NME7: variants seen among roughly 807,000 people sequenced by gnomAD.
NME7 encodes nucleoside diphosphate kinase 7.
Under a neutral mutation model 49.1 loss-of-function variants are expected in NME7, and 41 were observed. That is an observed-to-expected ratio of 0.83 (90% CI 0.65 to 1.08). The LOEUF (loss-of-function observed/expected upper bound fraction) is 1.08, where lower values mean the gene tolerates loss of function less well. NME7 is among the 50% of genes least tolerant of loss of function. NME7 has a pLI of 0.00. For synonymous variants in NME7, 139 were observed against 150.6 expected (o/e 0.92, Z 0.56); for missense variants, 423 against 463.4 (o/e 0.91, Z 0.80).
chr1:169,298,807 A>C (rs761210094), intron 5 of NME7, 44 bp from the exon 6 acceptor site: 2 of 1,490,294 alleles, frequency 1.3e-6, no homozygotes, highest in East Asian at 4.5e-5. Flanking sequence ...TTTTCTGTCA[A>C]CTAGGTATTT....
At chr1:169,185,318 TGCTTTA>T (rs1248403055) in intron 10 of NME7, among the ~76,000 whole-genome samples, 1 of 152,212 alleles carries the variant, frequency 6.6e-6, no homozygotes, top group Non-Finnish European at 1.5e-5. Flanking sequence ...ACATGATTTA[TGCTTTA>T]GAAAATATTT....
At chr1:169,355,089 AC>A (rs1323516351) in intron 1 of NME7, among the ~76,000 whole-genome samples, 853 of 60,648 alleles carry the variant, frequency 0.014, 151 homozygotes, top group African/African-American at 0.046. Flanking sequence ...TATATAATAT[AC>A]TATATATTAT....
chr1:169,232,311 C>CT (rs1239359349), intron 9 of NME7, among the ~76,000 whole-genome samples: 7 of 151,992 alleles, frequency 4.6e-5, no homozygotes, highest in Non-Finnish European at 7.4e-5. Flanking sequence ...AAAAGCCCTG[C>CT]TGTGCAACCA....
chr1:169,301,201 G>A (rs1480556004), intron 5 of NME7, among the ~76,000 whole-genome samples: 1 of 152,162 alleles, frequency 6.6e-6, no homozygotes, highest in South Asian at 2.1e-4. Context: ...CTAATATGCA[G>A]AATCTGTAAC....
intron 1 of NME7, 39 bp downstream of exon 1, chr1:169,367,669 G>A: frequency 6.2e-7 from 1 of 1,613,820 alleles, no homozygotes; most frequent in Non-Finnish European, 8.5e-7. Context: ...AAGTAAGTAG[G>A]ACCCCAGAGC....
At chr1:169,296,342 C>T (rs1374244825) in intron 6 of NME7, among the ~76,000 whole-genome samples, 1 of 152,166 alleles carries the variant, frequency 6.6e-6, no homozygotes, top group Non-Finnish European at 1.5e-5. Flanking sequence ...CCTTATTTGA[C>T]ACCACTGGTC....
Position 169,187,565 on chromosome 1 carries a change from G to A in NME7, c.991-18011C>T, listed in dbSNP as rs547705871. Among the ~76,000 whole-genome samples, 995 of 151,758 alleles carry A rather than the reference G, an allele frequency of 6.6e-3. 14 individuals carry two copies. Among genetic ancestry groups the A allele is most frequent in the African/African-American group, 0.023 (934 of 41,448 alleles). ...CTGTTTTATCAGAGACTAGGATTGC[G>A]AACCCTGCTTTTTTATTTTTTTCTT... On this transcript the variant is annotated intron_variant, in intron 10 of 11. Coordinates refer to ENST00000367811, the MANE Select transcript of NME7 (RefSeq NM_013330.5).
chr1:169,366,155 A>C (rs1216953755), intron 1 of NME7, among the ~76,000 whole-genome samples: 1 of 152,218 alleles, frequency 6.6e-6, no homozygotes, highest in African/African-American at 2.4e-5. Context: ...GAAAGTAATC[A>C]AGGAGTTAAT....
At chr1:169,247,271 T>G (rs1648364543) in intron 7 of NME7, among the ~76,000 whole-genome samples, 2 of 152,184 alleles carry the variant, frequency 1.3e-5, no homozygotes, top group Non-Finnish European at 2.9e-5. Context: ...TACAGAAAAG[T>G]TAACCACACA....
intron 7 of NME7, among the ~76,000 whole-genome samples, chr1:169,245,496 A>G (rs1240399873): frequency 1.3e-5 from 2 of 152,214 alleles, no homozygotes; most frequent in Non-Finnish European, 2.9e-5. Flanking sequence ...ATTTTTAAAA[A>G]TGAAAAAATG....
At chr1:169,314,163 T>A (rs981569870) in intron 3 of NME7, among the ~76,000 whole-genome samples, 1 of 151,800 alleles carries the variant, frequency 6.6e-6, no homozygotes, top group African/African-American at 2.4e-5. Context: ...AACAGAATGT[T>A]TGAGATAAAA....
intron 10 of NME7, among the ~76,000 whole-genome samples, chr1:169,203,698 C>T (rs1004856416): frequency 6.6e-6 from 1 of 151,986 alleles, no homozygotes; most frequent in Non-Finnish European, 1.5e-5. Flanking sequence ...GAAGGGAGGG[C>T]AGCAATGGTT....
chr1:169,237,587 C>T (rs753782467), intron 8 of NME7, 36 bp downstream of exon 8: 4 of 1,503,342 alleles, frequency 2.7e-6, no homozygotes, highest in Admixed American at 1.8e-5. Flanking sequence ...TGAAAAAAAT[C>T]CTCACAAATA....
chr1:169,204,827 A>G (rs758298667), intron 10 of NME7, among the ~76,000 whole-genome samples: 2 of 152,064 alleles, frequency 1.3e-5, no homozygotes, highest in African/African-American at 4.8e-5. Context: ...ATTTTATTCA[A>G]TTTTGAACTC....
At chr1:169,274,049 C>T (rs1161572149) in intron 7 of NME7, among the ~76,000 whole-genome samples, 1 of 131,028 alleles carries the variant, frequency 7.6e-6, no homozygotes, top group African/African-American at 2.6e-5. Context: ...ACACTGACTT[C>T]CACAATGGTT....
chr1:169,331,916 T>C (rs1342339976), intron 1 of NME7, among the ~76,000 whole-genome samples: 1 of 151,778 alleles, frequency 6.6e-6, no homozygotes, highest in African/African-American at 2.4e-5. Flanking sequence ...TTCAATGCAA[T>C]CCCTATCAAA....
chr1:169,212,599 C>CT (rs71121740), intron 10 of NME7, among the ~76,000 whole-genome samples: 37,171 of 116,316 alleles, frequency 0.32, 6,714 homozygotes, highest in Non-Finnish European at 0.39. Context: ...AACAAATGTC[C>CT]TTTTTTTTTT....
intron 7 of NME7, among the ~76,000 whole-genome samples, chr1:169,247,841 T>G (rs1648388547): frequency 2.0e-5 from 3 of 152,188 alleles, no homozygotes; most frequent in African/African-American, 2.4e-5. Flanking sequence ...CTGAGTAGTA[T>G]TCCATGGTGT....
intron 10 of NME7, among the ~76,000 whole-genome samples, chr1:169,184,198 C>T (rs917595281): frequency 6.6e-6 from 1 of 151,494 alleles, no homozygotes; most frequent in Admixed American, 6.6e-5. Context: ...GCTATCTGAT[C>T]TCTGCTTTTC....
Sources: gnomAD v4.1 joint callset for allele counts (sites outside exome capture counted in the v4.1 genomes callset) on GRCh38, gnomAD v4.1.1 for gene constraint, MANE v1.5 for transcripts, NCBI Gene and HGNC (gene_info 2026-07-23, HGNC 2026-07-21) for gene names.